The following RHOBTB1 variants were observed in gnomAD, a reference collection of about 807,000 sequenced individuals.
RHOBTB1 encodes the protein Rho related BTB domain containing 1, also known as rho-related BTB domain-containing protein 1.
A neutral mutation model predicts 71.6 loss-of-function variants in RHOBTB1; 40 were observed. That is an observed-to-expected ratio of 0.56 (90% CI 0.43 to 0.73). The LOEUF is 0.73. Ranked by LOEUF, RHOBTB1 falls within the 30% of genes least tolerant of loss-of-function variation. The pLI is 0.00. For synonymous variants in RHOBTB1, 319 were observed against 334.9 expected (o/e 0.95, Z 0.52); for missense variants, 797 against 894.0 (o/e 0.89, Z 1.38).
intron 2 of RHOBTB1, among the ~76,000 whole-genome samples, chr10:60,972,985 C>T (rs1405091148): frequency 1.3e-5 from 2 of 151,994 alleles, no homozygotes; most frequent in Non-Finnish European, 2.9e-5. Context: ...AAATGGGGTT[C>T]ATGAATCCTT....
chr10:60,906,944 C>A (rs781462396), intron 4 of RHOBTB1, among the ~76,000 whole-genome samples: 1 of 152,186 alleles, frequency 6.6e-6, no homozygotes, highest in Non-Finnish European at 1.5e-5. Flanking sequence ...GTGGGAGGGA[C>A]CCAGTGGGAG....
intron 2 of RHOBTB1, among the ~76,000 whole-genome samples, chr10:60,938,671 T>C (rs1371066361): frequency 1.3e-5 from 2 of 152,220 alleles, no homozygotes; most frequent in Non-Finnish European, 2.9e-5. Flanking sequence ...ATAACTTCTA[T>C]ACTCCGACAT....
chr10:60,928,173 G>T (rs1244693725), intron 2 of RHOBTB1, among the ~76,000 whole-genome samples: 1 of 152,104 alleles, frequency 6.6e-6, no homozygotes, highest in Non-Finnish European at 1.5e-5. Context: ...AATAATGATT[G>T]CTGGTGAGGA....
At chr10:60,991,162 C>A (rs1477984924) in intron 1 of RHOBTB1, among the ~76,000 whole-genome samples, 1 of 152,174 alleles carries the variant, frequency 6.6e-6, no homozygotes, top group East Asian at 1.9e-4. Context: ...GCATACTCTT[C>A]CCCCTTGCCA....
chr10:60,988,606 T>C lies in RHOBTB1; in HGVS notation c.-162-2661A>G, dbSNP rs570120343. 2.0e-4 allele frequency among the ~76,000 whole-genome samples: 31 copies of C among 152,344 alleles called. No individual in the cohort carries two copies. In the South Asian group the frequency reaches 6.2e-3, roughly 31 times the overall value. ...TTCCCTTAGGATGATGGCCTCCAGC[T>C]GCATTCACATTGTCGCAAGGGACAT... On this transcript the variant is annotated intron_variant, in intron 1 of 11. Transcript: ENST00000357917.
At chr10:60,892,438 A>T (rs2081968689) in intron 5 of RHOBTB1, among the ~76,000 whole-genome samples, 1 of 152,230 alleles carries the variant, frequency 6.6e-6, no homozygotes, top group South Asian at 2.1e-4. Flanking sequence ...TGGGGCCCAG[A>T]TACCTCTAAG....
intron 9 of RHOBTB1, 101 bp downstream of exon 9, chr10:60,874,853 G>T (rs1395658630): frequency 1.1e-5 from 9 of 829,454 alleles, no homozygotes; most frequent in Middle Eastern, 2.2e-4. Flanking sequence ...TGACTCAGTG[G>T]TGACATCTTC....
intron 5 of RHOBTB1, among the ~76,000 whole-genome samples, chr10:60,892,417 C>G (rs912737000): frequency 6.6e-6 from 1 of 152,168 alleles, no homozygotes; most frequent in Non-Finnish European, 1.5e-5. Flanking sequence ...TTGTATGAAT[C>G]TGATGTTCTC....
chr10:60,942,360 A>G lies in RHOBTB1; in HGVS notation c.-61-506T>C, dbSNP rs527950865. Among the ~76,000 whole-genome samples the G allele has an allele frequency of 4.6e-5, 7 of 152,364 alleles. No individual in the cohort carries two copies. The South Asian group carries it at 6.2e-4, about 14-fold the overall frequency. ...ATGTGTTTCTATTTCCACCTGTGTG[A>G]TCACAGAGCCTGTGTTATGCACTTA... On this transcript the variant is annotated intron_variant, in intron 1 of 10. Coordinates refer to ENST00000337910, the MANE Select transcript of RHOBTB1 (RefSeq NM_014836.5).
chr10:60,965,406 G>C (rs1325777585), intron 2 of RHOBTB1, among the ~76,000 whole-genome samples: 1 of 152,010 alleles, frequency 6.6e-6, no homozygotes, highest in Non-Finnish European at 1.5e-5. Context: ...TGAAAAAAAT[G>C]CTTTGGCAAT....
intron 1 of RHOBTB1, among the ~76,000 whole-genome samples, chr10:60,995,531 C>A (rs1026129046): frequency 1.3e-5 from 2 of 152,180 alleles, no homozygotes; most frequent in Non-Finnish European, 2.9e-5. Flanking sequence ...ACAACATTCA[C>A]ACGCTGATTA....
intron 10 of RHOBTB1, 85 bp downstream of exon 10, chr10:60,872,100 A>G (rs1163733407): frequency 4.0e-6 from 4 of 1,005,800 alleles, no homozygotes; most frequent in East Asian, 2.4e-5. Context: ...CCTGCTGACC[A>G]TGTTCCTTTC....
upstream of RHOBTB1, among the ~76,000 whole-genome samples, chr10:60,947,602 T>G (rs1365564007): frequency 6.6e-6 from 1 of 152,170 alleles, no homozygotes; most frequent in South Asian, 2.1e-4. Flanking sequence ...TTGTTTGTTT[T>G]TTTACTAAGC....
intron 2 of RHOBTB1, among the ~76,000 whole-genome samples, chr10:60,981,618 A>T (rs577180753): frequency 7.5e-4 from 115 of 152,334 alleles, no homozygotes; most frequent in African/African-American, 2.6e-3. Context: ...TCACATAACC[A>T]ATTAATCAAG....
In RHOBTB1 at chr10:60,888,543, A is replaced by T; in HGVS notation, c.1125T>A (p.Ser375Arg). The T allele has an allele frequency of 6.2e-7, 1 of 1,614,082 alleles. No homozygotes were observed. Residue 375 changes from serine (S) to arginine (R), a missense_variant, in exon 6 of 11, where the codon AGT becomes AGA. Ser to Arg is a moderately radical substitution (Grantham distance 110). Around this residue, in one of 2 missense-constraint regions of RHOBTB1, gnomAD observed 658 missense variants for 681.5 expected, o/e 0.97. Transcript: ENST00000337910. Reference protein sequence around the residue: ...VPETQTLTGWSKGFIGMHREM... With the variant: ...VPETQTLTGWRKGFIGMHREM... ...CCCTGTGCATGCCAATGAACCCCTTACTCCATCCGGTCAAAGTCTGTGTCT... is the reference window on the plus strand; with the variant it reads ...CCCTGTGCATGCCAATGAACCCCTTTCTCCATCCGGTCAAAGTCTGTGTCT...
chr10:60,950,773 A>G (rs10761565), intron 2 of RHOBTB1, among the ~76,000 whole-genome samples: 79,162 of 152,134 alleles, frequency 0.52, 21,070 homozygotes, highest in East Asian at 0.78. Flanking sequence ...GCTGTGCAGC[A>G]TAGGGTATCA....
At chr10:60,906,281 G>T (rs191966822) in intron 4 of RHOBTB1, among the ~76,000 whole-genome samples, 146 of 152,328 alleles carry the variant, frequency 9.6e-4, no homozygotes, top group Middle Eastern at 3.4e-3. Flanking sequence ...AAAGCAAAAG[G>T]ACTCATGCTC....
At chr10:60,880,754 G>A (rs932076388) in intron 7 of RHOBTB1, among the ~76,000 whole-genome samples, 1 of 152,060 alleles carries the variant, frequency 6.6e-6, no homozygotes, top group Non-Finnish European at 1.5e-5. Flanking sequence ...TCAACCAGCT[G>A]TATGTACATA....
At chr10:60,935,451 T>C (rs942682087) in intron 2 of RHOBTB1, among the ~76,000 whole-genome samples, 1 of 152,170 alleles carries the variant, frequency 6.6e-6, no homozygotes, top group African/African-American at 2.4e-5. Flanking sequence ...CTGATAATTT[T>C]TTTTTAAATA....
Sources: allele counts gnomAD v4.1 joint callset (sites outside exome capture counted in the v4.1 genomes callset), GRCh38; gene constraint gnomAD v4.1.1; regional missense constraint gnomAD v4.1.1; transcripts MANE v1.5; gene names NCBI Gene and HGNC (gene_info 2026-07-23, HGNC 2026-07-21).